The following TNRC18 variants were observed in gnomAD, a reference collection of about 807,000 sequenced individuals.
TNRC18 encodes the protein trinucleotide repeat-containing gene 18 protein.
A neutral mutation model predicts 226.7 loss-of-function variants in TNRC18; 69 were observed. The observed-to-expected ratio is 0.30, with a 90% CI of 0.25 to 0.37. TNRC18 has a LOEUF of 0.37. Among genes scored for constraint, TNRC18 ranks in the 10% least tolerant of loss-of-function variants. The pLI is 1.00. For missense variants in TNRC18, 4,754 were observed against 4,256.6 expected (o/e 1.12, Z -3.25); for synonymous variants, 2,449 against 1,927.6 (o/e 1.27, Z -7.09).
intron 18 of TNRC18, 35 bp downstream of exon 18, chr7:5,345,527 C>CAA: frequency 3.0e-6 from 1 of 332,468 alleles, no homozygotes; most frequent in Middle Eastern, 1.2e-3. Flanking sequence ...GCCCCTCCCA[C>CAA]CCACCCCCAC....
rs1167868173 is a variant in TNRC18 at position 5,421,345 on chromosome 7, G to T, written c.-99C>A. 8 of 1,117,532 alleles carry T rather than the reference G, an allele frequency of 7.2e-6. No individual in the cohort carries two copies. The African/African-American group carries it at 9.7e-5, about 14-fold the overall frequency. 69.2% of individuals were successfully genotyped at this position (1,117,532 alleles called of 1,614,324 possible). ...CTCGGCGTAGTCCCAGAGTCCTCGG[G>T]CGGCGGGGGCTCCGCGGCGTGCATG... On this transcript the variant is annotated 5_prime_UTR_variant, in exon 2 of 30. Coordinates refer to ENST00000430969, the MANE Select transcript of TNRC18 (RefSeq NM_001080495.3).
chr7:5,383,076 T>A (rs1779510756), intron 5 of TNRC18, among the ~76,000 whole-genome samples: 1 of 151,784 alleles, frequency 6.6e-6, no homozygotes, highest in African/African-American at 2.4e-5. Context: ...TTTTTATTTT[T>A]ATTTTTGTAG....
In TNRC18 at chr7:5,312,874, T is replaced by C. The variant is rs543259277; in HGVS notation, c.8017A>G (p.Thr2673Ala). Reference sequence around the variant, plus strand: ...GAGCTGCAGGAAGAGTCCTCGTCTGTGGTGGAGGAAGAAGAGGAGGAAGAG... The same window carrying C: ...GAGCTGCAGGAAGAGTCCTCGTCTGCGGTGGAGGAAGAAGAGGAGGAAGAG... ...SSSSSSSSSTTDEDSSCSSDD... is the reference protein window; with the variant it reads ...SSSSSSSSSTADEDSSCSSDD... The change falls in exon 27 of 30, where the codon ACA becomes GCA. Residue 2673 changes from threonine (T) to alanine (A), a missense_variant. Physicochemically the swap from Thr to Ala is moderately conservative, Grantham distance 58. Coordinates refer to ENST00000430969, the MANE Select transcript of TNRC18 (RefSeq NM_001080495.3). This position sits in a 1 kb window ranked among gnomAD's most constrained non-coding sequence, Gnocchi z 6.3. 2.0e-6 allele frequency: 3 copies of C among 1,523,070 alleles called. No homozygotes were observed. In the East Asian group the frequency reaches 7.1e-5, roughly 36 times the overall value. The allele number at this position is 1,523,070 out of a possible 1,614,324, so 94.3% of individuals were successfully genotyped here. A position where few individuals can be genotyped will look rare whatever the true frequency, so the allele number is the denominator to read the frequency against.
In TNRC18 at chr7:5,312,185, G is replaced by A. The variant is rs1373366660; in HGVS notation, c.8388+318C>T. Among the ~76,000 whole-genome samples, 2 of 152,194 alleles carry A rather than the reference G, an allele frequency of 1.3e-5. No homozygotes were observed. Among genetic ancestry groups the A allele is most frequent in the Non-Finnish European group, 2.9e-5 (2 of 68,024 alleles). On this transcript the variant is annotated intron_variant, in intron 27 of 29. Transcript: ENST00000430969. The surrounding 1 kb of genome is among the most constrained non-coding windows in gnomAD (Gnocchi z 6.3). ...CAGAGGCCTGGAAAGCCCCTTCCAC[G>A]TGGCGCCGACGCCTGTGGGTCTGTG...
intron 18 of TNRC18, among the ~76,000 whole-genome samples, chr7:5,344,428 C>T (rs1790966418): frequency 6.6e-6 from 1 of 152,070 alleles, no homozygotes; most frequent in African/African-American, 2.4e-5. Context: ...TCCAGGACTG[C>T]CAGGCCTGGA....
chr7:5,400,858 T>C (rs1461008257), intron 2 of TNRC18, among the ~76,000 whole-genome samples: 1 of 152,044 alleles, frequency 6.6e-6, no homozygotes, highest in Admixed American at 6.6e-5. Context: ...CCTGGGCTGA[T>C]AGAGACTCTT....
intron 3 of TNRC18, among the ~76,000 whole-genome samples, chr7:5,392,599 G>A (rs1329308167): frequency 4.6e-5 from 7 of 152,142 alleles, no homozygotes; most frequent in East Asian, 1.9e-4. Context: ...CTGGGCGACA[G>A]AGCAAGACTC....
chr7:5,369,816 A>G (rs1317671676), intron 11 of TNRC18, among the ~76,000 whole-genome samples: 3 of 152,188 alleles, frequency 2.0e-5, no homozygotes, highest in South Asian at 2.1e-4. Flanking sequence ...CACCATCAAT[A>G]GAATGAGAAA....
intron 16 of TNRC18, among the ~76,000 whole-genome samples, chr7:5,354,807 C>T (rs557812559): frequency 3.7e-4 from 57 of 152,300 alleles, no homozygotes; most frequent in Non-Finnish European, 7.1e-4. Context: ...TCTCTGCCCA[C>T]GTAAGCTCAC....
At chr7:5,335,977 C>T (rs184461784) in intron 18 of TNRC18, among the ~76,000 whole-genome samples, 93 of 151,684 alleles carry the variant, frequency 6.1e-4, no homozygotes, top group African/African-American at 8.2e-4. Flanking sequence ...GAGGCCAAGG[C>T]GGGCAGATCA....
intron 26 of TNRC18, 23 bp downstream of exon 26, chr7:5,314,961 C>T: frequency 6.3e-7 from 1 of 1,596,726 alleles, no homozygotes; most frequent in Admixed American, 1.7e-5. Context: ...CACCGCCCTG[C>T]CCTGGGGACC....
intron 18 of TNRC18, among the ~76,000 whole-genome samples, chr7:5,335,485 T>C (rs972156865): frequency 6.6e-6 from 1 of 150,784 alleles, no homozygotes; most frequent in Non-Finnish European, 1.5e-5. Flanking sequence ...GTGGGCACTG[T>C]AGTCCCAGCT....
chr7:5,354,598 T>C (rs1182181197), intron 16 of TNRC18, among the ~76,000 whole-genome samples: 2 of 152,082 alleles, frequency 1.3e-5, no homozygotes, highest in Non-Finnish European at 2.9e-5. Flanking sequence ...TACACTGCTC[T>C]GATCACACCC....
chr7:5,370,999 C>T lies in TNRC18; in HGVS notation c.3595G>A (p.Gly1199Ser). ...TPSPAGGCGGGLLEAQALSAT... is the reference protein window; with the variant it reads ...TPSPAGGCGGSLLEAQALSAT... Reference sequence around the variant, plus strand: ...CTCAGCGCCTGGGCCTCCAACAGGCCACCTCCACAACCCCCTGCAGGGCTG... The same window carrying T: ...CTCAGCGCCTGGGCCTCCAACAGGCTACCTCCACAACCCCCTGCAGGGCTG... The change falls in exon 11 of 30, where the codon GGC becomes AGC. Residue 1199 changes from glycine to serine, a missense_variant. Coordinates refer to ENST00000430969, the MANE Select transcript of TNRC18 (RefSeq NM_001080495.3). 1 of 1,607,360 alleles carries T rather than the reference C, an allele frequency of 6.2e-7. No individual in the cohort carries two copies. The highest frequency in any genetic ancestry group is 8.5e-7 in the Non-Finnish European group (1 of 1,179,744).
intron 5 of TNRC18, among the ~76,000 whole-genome samples, chr7:5,387,271 T>G (rs926941384): frequency 6.6e-6 from 1 of 152,160 alleles, no homozygotes; most frequent in Non-Finnish European, 1.5e-5. Flanking sequence ...ACCTACTACG[T>G]GCCAGAGCCC....
intron 17 of TNRC18, among the ~76,000 whole-genome samples, chr7:5,346,450 C>T (rs1353739119): frequency 6.6e-6 from 1 of 152,056 alleles, no homozygotes; most frequent in Non-Finnish European, 1.5e-5. Flanking sequence ...GAGCTGAGAT[C>T]GCATCACTGC....
At position 5,374,139 on chromosome 7, in the gene TNRC18, C is replaced by G. The variant is rs753346071; in HGVS notation, c.3145G>C (p.Glu1049Gln). 4 of 1,408,958 alleles carry G rather than the reference C, an allele frequency of 2.8e-6. 1 individual carries two copies. In the South Asian group the frequency reaches 4.9e-5, roughly 17 times the overall value. 87.3% of individuals were successfully genotyped at this position (1,408,958 alleles called of 1,614,324 possible). A position where few individuals can be genotyped will look rare whatever the true frequency, so the allele number is the denominator to read the frequency against. ...PPPTPGITRK[E>Q]EAPENVVEKK... Reference sequence around the variant, plus strand: ...TCGACCACATTCTCGGGAGCCTCCTCCTTGCGGGTGATACCCGGGGTGGGC... The same window carrying G: ...TCGACCACATTCTCGGGAGCCTCCTGCTTGCGGGTGATACCCGGGGTGGGC... The change falls in exon 10 of 30, where the codon GAG becomes CAG. Residue 1049 changes from glutamate (E) to glutamine (Q), a missense_variant. By Grantham distance (29) the Glu-to-Gln change is conservative. Coordinates refer to ENST00000430969, the MANE Select transcript of TNRC18 (RefSeq NM_001080495.3).
rs916699220 is a variant in TNRC18 at position 5,370,798 on chromosome 7, C to A, written c.3796G>T (p.Val1266Leu). 12 of 1,607,172 alleles carry A rather than the reference C, an allele frequency of 7.5e-6. No individual in the cohort carries two copies. The highest frequency in any genetic ancestry group is 9.3e-6 in the Non-Finnish European group (11 of 1,178,124). The change falls in exon 11 of 30, where the codon GTG becomes TTG. Residue 1266 changes from valine (V) to leucine (L), a missense_variant. Val to Leu is a conservative substitution (Grantham distance 32). Coordinates refer to ENST00000430969, the MANE Select transcript of TNRC18 (RefSeq NM_001080495.3). ...EAKEEPVEVP[V>L]AVPVVEAVPE... ...ACTGCCTCCACCACGGGCACCGCCA[C>A]AGGCACCTCCACCGGCTCCTCCTTG...
At chr7:5,420,891 T>C in intron 2 of TNRC18, 169 bp downstream of exon 2, 1 of 786,292 alleles carries the variant, frequency 1.3e-6, no homozygotes, top group Middle Eastern at 2.4e-4. Context: ...CTCCACCGCC[T>C]TGGCTCCGGG....
Sources: gnomAD v4.1 joint callset for allele counts (sites outside exome capture counted in the v4.1 genomes callset) on GRCh38, gnomAD v4.1.1 for gene constraint, Gnocchi (gnomAD v3.1) non-coding constraint, MANE v1.5 for transcripts, NCBI Gene and HGNC (gene_info 2026-07-23, HGNC 2026-07-21) for gene names.